MAP3K8: variants seen among roughly 807,000 people sequenced by gnomAD.
MAP3K8 encodes mitogen-activated protein kinase kinase kinase 8.
A neutral mutation model predicts 45.8 loss-of-function variants in MAP3K8; 22 were observed. That is an observed-to-expected ratio of 0.48 (90% CI 0.34 to 0.69). The LOEUF (loss-of-function observed/expected upper bound fraction) is 0.69, where lower values mean the gene tolerates loss of function less well. Among genes scored for constraint, MAP3K8 ranks in the 30% least tolerant of loss-of-function variants. The probability of loss-of-function intolerance (pLI) is 0.01; values close to 1 mark genes in which losing one functional copy is unlikely to be tolerated. For missense variants in MAP3K8, 419 were observed against 585.0 expected (o/e 0.72, Z 2.93); for synonymous variants, 223 against 214.3 (o/e 1.04, Z -0.36).
chr10:30,458,317 C>T (rs1043766793), intron 7 of MAP3K8, 81 bp downstream of exon 7: 5 of 995,818 alleles, frequency 5.0e-6, no homozygotes, highest in Non-Finnish European at 5.5e-6. Context: ...AGGGACTGCT[C>T]TGCCTTCTAT....
intron 4 of MAP3K8, among the ~76,000 whole-genome samples, chr10:30,450,013 G>A (rs1042607385): frequency 6.6e-6 from 1 of 152,104 alleles, no homozygotes; most frequent in Non-Finnish European, 1.5e-5. Flanking sequence ...ACTTCTAAAT[G>A]AAAAGAGTAA....
chr10:30,454,127 A>G (rs923228714), intron 6 of MAP3K8, among the ~76,000 whole-genome samples: 1 of 152,130 alleles, frequency 6.6e-6, no homozygotes, highest in Admixed American at 6.5e-5. Context: ...GGGAAGCTGC[A>G]CTGCCTGAGC....
intron 6 of MAP3K8, among the ~76,000 whole-genome samples, chr10:30,452,000 A>G (rs1836556960): frequency 6.6e-6 from 1 of 152,062 alleles, no homozygotes; most frequent in Non-Finnish European, 1.5e-5. Context: ...ACATGTTGAT[A>G]TATATAATAT....
intron 8 of MAP3K8, among the ~76,000 whole-genome samples, chr10:30,460,272 G>A (rs1836889919): frequency 1.3e-5 from 2 of 152,178 alleles, no homozygotes; most frequent in South Asian, 4.1e-4. Flanking sequence ...CTTGCCAGTT[G>A]TAAATTTTTC....
intron 3 of MAP3K8, among the ~76,000 whole-genome samples, chr10:30,444,669 G>A (rs1836250446): frequency 6.6e-6 from 1 of 152,152 alleles, no homozygotes; most frequent in South Asian, 2.1e-4. Context: ...GGGGTGAATG[G>A]GGGTGAAGGA....
Position 30,434,233 on chromosome 10 carries a change from C to G in MAP3K8, c.-400C>G, listed in dbSNP as rs1425576432. Reference sequence around the variant, plus strand: ...CGCGCCACGCTCTGGGGTCCGGCGCCCTGGTTCCTGCTTCTGCCGCTGCCG... The same window carrying G: ...CGCGCCACGCTCTGGGGTCCGGCGCGCTGGTTCCTGCTTCTGCCGCTGCCG... On this transcript the variant is annotated 5_prime_UTR_variant, in exon 1 of 9. Coordinates refer to ENST00000263056, the MANE Select transcript of MAP3K8 (RefSeq NM_005204.4). 6.4e-6 allele frequency: 1 copy of G among 155,850 alleles called. No individual in the cohort carries two copies. Among genetic ancestry groups the G allele is most frequent in the East Asian group, 1.9e-4 (1 of 5,194 alleles). 9.7% of individuals were successfully genotyped at this position (155,850 alleles called of 1,614,324 possible). A position where few individuals can be genotyped will look rare whatever the true frequency, so the allele number is the denominator to read the frequency against.
chr10:30,455,924 A>T (rs1335161119), intron 6 of MAP3K8, among the ~76,000 whole-genome samples: 1 of 152,158 alleles, frequency 6.6e-6, no homozygotes, highest in Non-Finnish European at 1.5e-5. Flanking sequence ...GAGGAACAAG[A>T]GCTCCGAGCC....
At position 30,437,394 on chromosome 10, in the gene MAP3K8, ACCACC is replaced by A; in HGVS notation, c.-35_-31del. ...AGCTTGAACTCTGTTAATCCTCACG[ACCACC>A]TCATGAGGTAGGTGCTGTTATTACT... On this transcript the variant is annotated 5_prime_UTR_variant, in exon 2 of 9. Transcript: ENST00000263056. 2 of 781,514 alleles carry A rather than the reference ACCACC, an allele frequency of 2.6e-6. No individual in the cohort carries two copies. The highest frequency in any genetic ancestry group is 3.1e-6 in the Non-Finnish European group (2 of 643,530). 48.4% of individuals were successfully genotyped at this position (781,514 alleles called of 1,614,324 possible). A position where few individuals can be genotyped will look rare whatever the true frequency, so the allele number is the denominator to read the frequency against.
Position 30,450,534 on chromosome 10 carries a change from A to C in MAP3K8, c.766+15A>C. 6.2e-7 allele frequency: 1 copy of C among 1,612,730 alleles called. No individual in the cohort carries two copies. The highest frequency in any genetic ancestry group is 8.5e-7 in the Non-Finnish European group (1 of 1,178,898). ...TGATATTAAACGTAAGTATCTTTGG[A>C]CATATACCTTTTTGGCTCAAAGAGA... On this transcript the variant is annotated intron_variant, in intron 5 of 8. Coordinates refer to ENST00000263056, the MANE Select transcript of MAP3K8 (RefSeq NM_005204.4).
In MAP3K8 at chr10:30,437,251, C is replaced by G. The variant is rs182932469; in HGVS notation, c.-179C>G. 311 of 985,286 alleles carry G rather than the reference C, an allele frequency of 3.2e-4. 1 individual carries two copies. In the South Asian group the frequency reaches 7.0e-3, roughly 22 times the overall value. The allele number at this position is 985,286 out of a possible 1,614,324, so 61.0% of individuals were successfully genotyped here. On this transcript the variant is annotated 5_prime_UTR_variant, in exon 2 of 9. Coordinates refer to ENST00000263056, the MANE Select transcript of MAP3K8 (RefSeq NM_005204.4). ...GTTTGCAGATAAGAAAGGAAGCTAA[C>G]GCAGTATCTGCAAAGCCAGGAGTCT...
intron 4 of MAP3K8, among the ~76,000 whole-genome samples, chr10:30,449,454 C>A (rs554411011): frequency 6.6e-6 from 1 of 152,022 alleles, no homozygotes; most frequent in Non-Finnish European, 1.5e-5. Flanking sequence ...TACATTTGTA[C>A]GTTCAGTTGA....
chr10:30,436,516 G>C (rs942976428), intron 1 of MAP3K8, among the ~76,000 whole-genome samples: 2 of 152,098 alleles, frequency 1.3e-5, no homozygotes, highest in Admixed American at 6.5e-5. Context: ...GTGTGGTTGT[G>C]TGTGTTCAAG....
chr10:30,441,569 C>T (rs1461885076), intron 3 of MAP3K8, among the ~76,000 whole-genome samples: 1 of 152,072 alleles, frequency 6.6e-6, no homozygotes, highest in African/African-American at 2.4e-5. Flanking sequence ...AACAAGAAGA[C>T]TAAAAAACAG....
chr10:30,441,406 C>A (rs1836102844), intron 3 of MAP3K8, among the ~76,000 whole-genome samples: 1 of 152,210 alleles, frequency 6.6e-6, no homozygotes, highest in Non-Finnish European at 1.5e-5. Flanking sequence ...ATCCACCTGC[C>A]TTGGCCTTTC....
At position 30,461,750 on chromosome 10, in the gene MAP3K8, T is replaced by A. The variant is rs893808180; in HGVS notation, c.*914T>A. 3 of 184,034 alleles carry A rather than the reference T, an allele frequency of 1.6e-5. No homozygotes were observed. The highest frequency in any genetic ancestry group is 7.0e-5 in the African/African-American group (3 of 42,578). The allele number at this position is 184,034 out of a possible 1,614,324, so 11.4% of individuals were successfully genotyped here. A position where few individuals can be genotyped will look rare whatever the true frequency, so the allele number is the denominator to read the frequency against. Reference sequence around the variant, plus strand: ...TGTGAGTAGTCTTATGTAAAGTATGTTTTTACATTATGCAAATAAAACCCA... The same window carrying A: ...TGTGAGTAGTCTTATGTAAAGTATGATTTTACATTATGCAAATAAAACCCA... On this transcript the variant is annotated 3_prime_UTR_variant, in exon 9 of 9. Transcript: ENST00000263056.
At chr10:30,447,173 CA>C (rs1836370343) in intron 3 of MAP3K8, among the ~76,000 whole-genome samples, 1 of 152,214 alleles carries the variant, frequency 6.6e-6, no homozygotes, top group South Asian at 2.1e-4. Context: ...GCACCAAACA[CA>C]GTGCCTAGCA....
intron 6 of MAP3K8, among the ~76,000 whole-genome samples, chr10:30,454,632 G>A (rs184576797): frequency 2.0e-5 from 3 of 151,800 alleles, no homozygotes; most frequent in East Asian, 1.9e-4. Context: ...GCACTCTCCC[G>A]GGCAGCAGAA....
rs1324489277 is a variant in MAP3K8, at chr10:30,439,583, G to A, written c.336+309G>A. ...CGCGCACTTGGAGAGGCCGAGGTGG[G>A]TGGATCACTTGAGGTCAGCAATTAG... On this transcript the variant is annotated intron_variant, in intron 3 of 8. Transcript: ENST00000263056. 11 of 475,474 alleles carry A rather than the reference G, an allele frequency of 2.3e-5. No individual in the cohort carries two copies. The Admixed American group carries it at 2.6e-4, about 11-fold the overall frequency. 29.5% of individuals were successfully genotyped at this position (475,474 alleles called of 1,614,324 possible). A position where few individuals can be genotyped will look rare whatever the true frequency, so the allele number is the denominator to read the frequency against.
At chr10:30,451,009 T>C (rs905689380) in intron 5 of MAP3K8, among the ~76,000 whole-genome samples, 10 of 151,244 alleles carry the variant, frequency 6.6e-5, no homozygotes, top group African/African-American at 2.4e-4. Context: ...GGGGAATCAT[T>C]TGAATCTGGG....
Sources: allele counts gnomAD v4.1 joint callset (sites outside exome capture counted in the v4.1 genomes callset), GRCh38; gene constraint gnomAD v4.1.1; transcripts MANE v1.5; gene names NCBI Gene and HGNC (gene_info 2026-07-23, HGNC 2026-07-21).